ITGB3BP: variants seen among roughly 807,000 people sequenced by gnomAD.
ITGB3BP encodes integrin subunit beta 3 binding protein.
In ITGB3BP, 27 loss-of-function variants were observed where a neutral mutation model predicts 29.1. The ratio of observed to expected loss-of-function variants is 0.93; its 90% CI spans 0.68 to 1.28. The LOEUF (loss-of-function observed/expected upper bound fraction) is 1.28. ITGB3BP is among the 50% of genes most tolerant of loss of function. The pLI is 0.00. For synonymous variants in ITGB3BP, 61 were observed against 61.4 expected, an observed-to-expected ratio of 0.99 and a Z score of 0.03; for missense variants, 192 against 200.2, an observed-to-expected ratio of 0.96 and a Z score of 0.25.
chr1:63,513,005 C>T (rs959035521), intron 1 of ITGB3BP, among the ~76,000 whole-genome samples: 7 of 152,072 alleles, frequency 4.6e-5, no homozygotes, highest in Non-Finnish European at 1.0e-4. Context: ...GATATTTCCC[C>T]ATGATTAGGT....
chr1:63,486,944 T>C (rs1199696380), intron 3 of ITGB3BP, among the ~76,000 whole-genome samples: 2 of 152,090 alleles, frequency 1.3e-5, no homozygotes, highest in East Asian at 1.9e-4. Flanking sequence ...TATGAAATTA[T>C]TACAGTAGCA....
At chr1:63,509,871 AG>A (rs1450155317) in intron 1 of ITGB3BP, among the ~76,000 whole-genome samples, 8 of 152,184 alleles carry the variant, frequency 5.3e-5, no homozygotes, top group Non-Finnish European at 1.2e-4. Context: ...TGGGTATGTA[AG>A]ATGTTCTGGT....
chr1:63,502,313 T>C (rs907796211), intron 2 of ITGB3BP, among the ~76,000 whole-genome samples: 2 of 152,142 alleles, frequency 1.3e-5, no homozygotes, highest in Non-Finnish European at 2.9e-5. Context: ...GTACTGGCAG[T>C]ATACATCCCG....
At chr1:63,459,418 AG>A (rs762991084) in intron 4 of ITGB3BP, among the ~76,000 whole-genome samples, 41 of 152,288 alleles carry the variant, frequency 2.7e-4, no homozygotes, top group Non-Finnish European at 4.1e-4. Flanking sequence ...TGTACATAAC[AG>A]GGATGAATTC....
chr1:63,450,607 A>G (rs551013140), intron 7 of ITGB3BP, among the ~76,000 whole-genome samples: 3 of 152,010 alleles, frequency 2.0e-5, no homozygotes, highest in Non-Finnish European at 2.9e-5. Flanking sequence ...GAATGGTCAT[A>G]TGTCTTAAGT....
chr1:63,490,037 T>C lies in ITGB3BP; in HGVS notation c.184+46A>G, dbSNP rs772241761. ...TAAATCACAATTTTGATTTGGCCAA[T>C]AACTAGAAAAACCTTACAATAAGTA... On this transcript the variant is annotated intron_variant, in intron 3 of 8. Coordinates refer to ENST00000271002, the MANE Select transcript of ITGB3BP (RefSeq NM_014288.5). 5 of 1,546,248 alleles carry C rather than the reference T, an allele frequency of 3.2e-6. No homozygotes were observed. The African/African-American group carries it at 6.9e-5, about 21-fold the overall frequency.
intron 2 of ITGB3BP, among the ~76,000 whole-genome samples, chr1:63,508,174 T>G (rs189776844): frequency 2.0e-5 from 3 of 152,204 alleles, no homozygotes; most frequent in African/African-American, 7.2e-5. Context: ...CAGATTATAG[T>G]ATGCAGATTA....
At chr1:63,507,287 G>T (rs1232892995) in intron 2 of ITGB3BP, among the ~76,000 whole-genome samples, 1 of 152,054 alleles carries the variant, frequency 6.6e-6, no homozygotes, top group Non-Finnish European at 1.5e-5. Flanking sequence ...TACAGAACTG[G>T]GCCAAACATA....
At chr1:63,473,327 C>G (rs1232559776) in intron 4 of ITGB3BP, among the ~76,000 whole-genome samples, 1 of 151,718 alleles carries the variant, frequency 6.6e-6, no homozygotes, top group Non-Finnish European at 1.5e-5. Context: ...GGCAGCCACC[C>G]CGTCCGGGAG....
chr1:63,472,603 T>C (rs1247898408), intron 4 of ITGB3BP, among the ~76,000 whole-genome samples: 1 of 150,350 alleles, frequency 6.7e-6, no homozygotes, highest in Admixed American at 6.6e-5. Context: ...GCCGAGTGCC[T>C]GCGATTGCAG....
chr1:63,524,666 A>C (rs902890611), upstream of ITGB3BP, among the ~76,000 whole-genome samples: 1 of 152,192 alleles, frequency 6.6e-6, no homozygotes, highest in African/African-American at 2.4e-5. Flanking sequence ...CACCAGTAGA[A>C]TCTAATACCC....
chr1:63,464,498 T>C (rs527688946), intron 4 of ITGB3BP, among the ~76,000 whole-genome samples: 28 of 152,276 alleles, frequency 1.8e-4, no homozygotes, highest in African/African-American at 6.5e-4. Flanking sequence ...TATGAACAGA[T>C]GAATTTTTAA....
intron 8 of ITGB3BP, among the ~76,000 whole-genome samples, chr1:63,441,394 C>T (rs1262152133): frequency 2.0e-5 from 3 of 152,046 alleles, no homozygotes; most frequent in Admixed American, 6.5e-5. Context: ...TGTGCCACCA[C>T]ACCCAGCTAA....
intron 2 of ITGB3BP, among the ~76,000 whole-genome samples, chr1:63,504,226 C>T (rs371262268): frequency 6.6e-6 from 1 of 151,940 alleles, no homozygotes; most frequent in South Asian, 2.1e-4. Flanking sequence ...AGAGGTCCTT[C>T]ACATCCCTTG....
chr1:63,515,953 T>C (rs911501337), intron 1 of ITGB3BP, among the ~76,000 whole-genome samples: 11 of 151,650 alleles, frequency 7.3e-5, no homozygotes, highest in Non-Finnish European at 1.6e-4. Context: ...TGTAGCACTA[T>C]TCACAACAGC....
intron 2 of ITGB3BP, among the ~76,000 whole-genome samples, chr1:63,507,345 T>A (rs999174456): frequency 1.3e-5 from 2 of 152,186 alleles, no homozygotes; most frequent in Admixed American, 1.3e-4. Flanking sequence ...ACTGGCTACC[T>A]TGACACATCT....
intron 3 of ITGB3BP, among the ~76,000 whole-genome samples, chr1:63,484,505 G>A (rs1645493259): frequency 6.6e-6 from 1 of 151,920 alleles, no homozygotes; most frequent in Non-Finnish European, 1.5e-5. Context: ...TCTGATCAAT[G>A]AATTATTTAG....
intron 4 of ITGB3BP, among the ~76,000 whole-genome samples, chr1:63,456,157 T>C (rs1221359497): frequency 2.6e-5 from 4 of 152,160 alleles, no homozygotes; most frequent in African/African-American, 9.7e-5. Flanking sequence ...GTGTTAGTCA[T>C]TGACATTTTT....
At position 63,454,020 on chromosome 1, in the gene ITGB3BP, GATA is replaced by G. The variant is rs775706715; in HGVS notation, c.428-49_428-47del. 6.4e-6 allele frequency: 7 copies of G among 1,101,380 alleles called. No homozygotes were observed. The highest frequency in any genetic ancestry group is 1.4e-5 in the South Asian group (1 of 71,666). 68.2% of individuals were successfully genotyped at this position (1,101,380 alleles called of 1,614,324 possible). A position where few individuals can be genotyped will look rare whatever the true frequency, so the allele number is the denominator to read the frequency against. On this transcript the variant is annotated intron_variant, in intron 6 of 8. Coordinates refer to ENST00000271002, the MANE Select transcript of ITGB3BP (RefSeq NM_014288.5). The surrounding 1 kb of genome is among the most constrained non-coding windows in gnomAD (Gnocchi z 4.1). ...ATGTCAAGAATTAACATAGAATATG[GATA>G]ATTTCTCAATACTTGCAACAAACAA...
Sources: gnomAD v4.1 joint callset for allele counts (sites outside exome capture counted in the v4.1 genomes callset) on GRCh38, gnomAD v4.1.1 for gene constraint, Gnocchi (gnomAD v3.1) non-coding constraint, MANE v1.5 for transcripts, NCBI Gene and HGNC (gene_info 2026-07-23, HGNC 2026-07-21) for gene names.